The following TNRC18 variants were observed in gnomAD, a reference collection of about 807,000 sequenced individuals.
The protein encoded by TNRC18 is trinucleotide repeat-containing gene 18 protein.
A neutral mutation model predicts 226.7 loss-of-function variants in TNRC18; 69 were observed. The observed-to-expected ratio is 0.30, with a 90% CI of 0.25 to 0.37. TNRC18 has a LOEUF of 0.37. Among genes scored for constraint, TNRC18 ranks in the 10% least tolerant of loss-of-function variants. The probability of loss-of-function intolerance (pLI) is 1.00; values close to 1 mark genes in which losing one functional copy is unlikely to be tolerated. For synonymous variants in TNRC18, 2,449 were observed against 1,927.6 expected, an observed-to-expected ratio of 1.27 and a Z score of -7.09; for missense variants, 4,754 against 4,256.6, an observed-to-expected ratio of 1.12 and a Z score of -3.25.
chr7:5,365,124 G>A (rs543813630), intron 11 of TNRC18, among the ~76,000 whole-genome samples: 48 of 152,196 alleles, frequency 3.2e-4, no homozygotes, highest in Non-Finnish European at 8.8e-5. Context: ...ATTGTTTCCT[G>A]TCTTTTCAAG....
intron 19 of TNRC18, among the ~76,000 whole-genome samples, chr7:5,332,132 A>G (rs1325797329): frequency 6.6e-6 from 1 of 152,146 alleles, no homozygotes. Flanking sequence ...AAAAGAGAGT[A>G]AGGACCTCTG....
chr7:5,323,564 G>C (rs1170861828), intron 21 of TNRC18, among the ~76,000 whole-genome samples: 1 of 36,836 alleles, frequency 2.7e-5, no homozygotes. Context: ...TGCAGCACCA[G>C]ACAGTTTTTT....
chr7:5,343,142 T>A (rs1790844456), intron 18 of TNRC18, among the ~76,000 whole-genome samples: 1 of 152,092 alleles, frequency 6.6e-6, no homozygotes. Context: ...TCACCTGAGG[T>A]CAGGAGTTCG....
At chr7:5,363,858 TA>T (rs11303195) in intron 11 of TNRC18, among the ~76,000 whole-genome samples, 82,011 of 150,010 alleles carry the variant, frequency 0.55, 22,723 homozygotes, top group African/African-American at 0.63. Context: ...CAGAAAGGTG[TA>T]AAAAAAAAAG....
At chr7:5,357,644 G>C (rs1163121820) in intron 15 of TNRC18, among the ~76,000 whole-genome samples, 1 of 152,072 alleles carries the variant, frequency 6.6e-6, no homozygotes, top group Admixed American at 6.6e-5. Flanking sequence ...CACCACTCCT[G>C]GCTAATTTTT....
rs1376204156 is a variant in TNRC18, at chr7:5,377,111, G to A, written c.2462-118C>T. ...TGAACCTCCTGGGGCCTCCAGTGGGGAAGCCAAGGGACAGGGGTGCTGGCT... is the reference window on the plus strand; with the variant it reads ...TGAACCTCCTGGGGCCTCCAGTGGGAAAGCCAAGGGACAGGGGTGCTGGCT... On this transcript the variant is annotated intron_variant, in intron 7 of 29. Transcript: ENST00000430969. This position sits in a 1 kb window ranked among gnomAD's most constrained non-coding sequence, Gnocchi z 5.8. The A allele has an allele frequency of 4.3e-6, 6 of 1,404,490 alleles. No homozygotes were observed. The highest frequency in any genetic ancestry group is 5.7e-6 in the Non-Finnish European group (6 of 1,044,944). 87.0% of individuals were successfully genotyped at this position (1,404,490 alleles called of 1,614,324 possible). A position where few individuals can be genotyped will look rare whatever the true frequency, so the allele number is the denominator to read the frequency against.
At chr7:5,321,846 A>G (rs1038054291) in intron 21 of TNRC18, among the ~76,000 whole-genome samples, 5 of 151,378 alleles carry the variant, frequency 3.3e-5, no homozygotes, top group Non-Finnish European at 5.9e-5. Context: ...TAATTTTTGT[A>G]TTTTTAGTAG....
At chr7:5,345,519 C>CCCCCCCCCCCCCCCCCCCCCCCCCCCCA in intron 18 of TNRC18, 43 bp downstream of exon 18, 2 of 174,076 alleles carry the variant, frequency 1.1e-5, no homozygotes, top group Non-Finnish European at 1.2e-5. Flanking sequence ...TGGCGTCCGC[C>CCCCCCCCCCCCCCCCCCCCCCCCCCCCA]CCTCCCACCC....
intron 19 of TNRC18, among the ~76,000 whole-genome samples, chr7:5,330,634 G>T (rs1789428794): frequency 6.6e-6 from 1 of 152,000 alleles, no homozygotes; most frequent in Admixed American, 6.6e-5. Context: ...AAGTGAAGGG[G>T]TTAGAACATG....
chr7:5,365,286 A>G (rs970864026), intron 11 of TNRC18, among the ~76,000 whole-genome samples: 1 of 151,906 alleles, frequency 6.6e-6, no homozygotes, highest in Non-Finnish European at 1.5e-5. Flanking sequence ...TAGTTTTTGT[A>G]TTTTTTTGTA....
Position 5,321,074 on chromosome 7 carries a change from T to G in TNRC18, c.6559A>C (p.Ile2187Leu). 1 of 1,542,312 alleles carries G rather than the reference T, an allele frequency of 6.5e-7. No homozygotes were observed. Among genetic ancestry groups the G allele is most frequent in the South Asian group, 1.2e-5 (1 of 83,734 alleles). Reference protein sequence around the residue: ...GHVQTVHSPDIYRVVVEGERG... With the variant: ...GHVQTVHSPDLYRVVVEGERG... ...TGCCGGACCTCCCACCCCACTCACA[T>G]GTCTGGCGAGTGCACGGTCTGCACG... Residue 2187 changes from isoleucine (I) to leucine (L), a missense_variant and splice_region_variant, in exon 22 of 30, where the codon ATA becomes CTA. Physicochemically the swap from Ile to Leu is conservative, Grantham distance 5. Coordinates refer to ENST00000430969, the MANE Select transcript of TNRC18 (RefSeq NM_001080495.3).
intron 19 of TNRC18, among the ~76,000 whole-genome samples, chr7:5,328,626 G>A (rs1297876320): frequency 4.6e-5 from 7 of 151,536 alleles, no homozygotes; most frequent in Non-Finnish European, 1.0e-4. Context: ...CTTCTGCCTC[G>A]GCCTCCCGAG....
chr7:5,358,611 C>G (rs551185774), intron 15 of TNRC18, among the ~76,000 whole-genome samples: 1 of 152,080 alleles, frequency 6.6e-6, no homozygotes, highest in African/African-American at 2.4e-5. Context: ...GTCAGGAGTT[C>G]GAGGCCAGCC....
At chr7:5,327,028 GC>G (rs1417514901) in intron 19 of TNRC18, among the ~76,000 whole-genome samples, 3 of 151,938 alleles carry the variant, frequency 2.0e-5, no homozygotes, top group African/African-American at 7.2e-5. Flanking sequence ...GGAGGCTGAG[GC>G]AGGAGAATCG....
At chr7:5,308,362 G>GAGGGAGCCCC (rs535688087) in intron 29 of TNRC18, 50 bp from the exon 30 acceptor site, 21 of 1,549,158 alleles carry the variant, frequency 1.4e-5, no homozygotes, top group African/African-American at 8.2e-5. Flanking sequence ...CACAGAGGCC[G>GAGGGAGCCCC]AGGGAGCCCC....
At chr7:5,380,009 G>T (rs1779288183) in intron 5 of TNRC18, among the ~76,000 whole-genome samples, 1 of 152,202 alleles carries the variant, frequency 6.6e-6, no homozygotes, top group African/African-American at 2.4e-5. Flanking sequence ...CCTTCTGCTG[G>T]AGACAAGGTC....
chr7:5,391,596 C>T (rs934003798), intron 3 of TNRC18, among the ~76,000 whole-genome samples: 41 of 151,874 alleles, frequency 2.7e-4, no homozygotes, highest in Admixed American at 2.6e-4. Context: ...CAGGTGTGAG[C>T]CACCACATCC....
chr7:5,401,139 C>G (rs1781056096), intron 2 of TNRC18, among the ~76,000 whole-genome samples: 1 of 150,022 alleles, frequency 6.7e-6, no homozygotes, highest in African/African-American at 2.5e-5. Flanking sequence ...TCTGGCCCAC[C>G]AATGCAATCT....
chr7:5,372,060 C>T (rs551659410), intron 10 of TNRC18, among the ~76,000 whole-genome samples: 4 of 141,500 alleles, frequency 2.8e-5, no homozygotes, highest in East Asian at 4.1e-4. Context: ...TGACCCACCG[C>T]GCCTGGCTAA....
Sources: gnomAD v4.1 joint callset for allele counts (sites outside exome capture counted in the v4.1 genomes callset) on GRCh38, gnomAD v4.1.1 for gene constraint, Gnocchi (gnomAD v3.1) non-coding constraint, MANE v1.5 for transcripts, NCBI Gene and HGNC (gene_info 2026-07-23, HGNC 2026-07-21) for gene names.